Variants in OOEP observed in about 807,000 individuals in gnomAD.
OOEP encodes the protein oocyte-expressed protein homolog.
Under a neutral mutation model 13.7 loss-of-function variants are expected in OOEP, and 16 were observed. The ratio of observed to expected loss-of-function variants is 1.16; its 90% CI spans 0.79 to 1.77. OOEP has a LOEUF of 1.77. OOEP is among the 40% of genes most tolerant of loss of function. The pLI, the probability that OOEP is intolerant of heterozygous loss-of-function variation, is 0.00. For synonymous variants in OOEP, 89 were observed against 77.1 expected, an observed-to-expected ratio of 1.15 and a Z score of -0.81; for missense variants, 195 against 193.1, an observed-to-expected ratio of 1.01 and a Z score of -0.06.
upstream of OOEP, among the ~76,000 whole-genome samples, chr6:73,371,734 G>A (rs1769058425): frequency 6.7e-6 from 1 of 148,202 alleles, no homozygotes; most frequent in South Asian, 2.1e-4. Context: ...TGGACAACAA[G>A]AGCAAAACTC....
At chr6:73,385,346 AAAC>A (rs1375591063) in intron 2 of OOEP, among the ~76,000 whole-genome samples, 28 of 151,862 alleles carry the variant, frequency 1.8e-4, no homozygotes, top group African/African-American at 4.3e-4. Flanking sequence ...ACTCCATCTC[AAAC>A]AACAACAACA....
intron 2 of OOEP, among the ~76,000 whole-genome samples, chr6:73,384,650 T>C (rs1374835572): frequency 3.9e-5 from 6 of 152,120 alleles, no homozygotes; most frequent in Non-Finnish European, 4.4e-5. Context: ...TGAGCCATGA[T>C]TGTGCCACTG....
At chr6:73,395,117 G>A, upstream of OOEP, 2 of 1,614,054 alleles carry the variant, frequency 1.2e-6, no homozygotes, top group Non-Finnish European at 1.7e-6. Flanking sequence ...CTGCCGCTGT[G>A]TTTTGCTTTG....
intron 2 of OOEP, among the ~76,000 whole-genome samples, chr6:73,375,791 C>CT (rs35879934): frequency 1.7e-4 from 18 of 106,654 alleles, no homozygotes; most frequent in African/African-American, 5.8e-4. Flanking sequence ...AATGATCTCC[C>CT]TTTTTTTTTT....
chr6:73,368,647 T>G lies in OOEP; in HGVS notation c.*137A>C. 3.1e-6 allele frequency: 2 copies of G among 637,684 alleles called. No individual in the cohort carries two copies. Among genetic ancestry groups the G allele is most frequent in the Admixed American group, 5.2e-5 (2 of 38,102 alleles). 39.5% of individuals were successfully genotyped at this position (637,684 alleles called of 1,614,324 possible). A position where few individuals can be genotyped will look rare whatever the true frequency, so the allele number is the denominator to read the frequency against. On this transcript the variant is annotated 3_prime_UTR_variant, in exon 3 of 3. Transcript: ENST00000370359. ...TATTAGAATAGTTCAAACTCACTCT[T>G]GCAACAAAATAAACCACAATCCATC...
chr6:73,373,289 C>T, upstream of OOEP: 1 of 1,578,522 alleles, frequency 6.3e-7, no homozygotes, highest in Non-Finnish European at 8.7e-7. Context: ...CAAGAACACA[C>T]CACGATGGCG....
exon 1 of OOEP, chr6:73,394,904 C>T (rs772648661): frequency 4.3e-6 from 7 of 1,613,984 alleles, no homozygotes; most frequent in East Asian, 2.2e-5. Flanking sequence ...CTTCTTGGAA[C>T]AATGTCCCAC....
At chr6:73,376,343 T>G (rs1769137060) in intron 2 of OOEP, among the ~76,000 whole-genome samples, 2 of 85,494 alleles carry the variant, frequency 2.3e-5, no homozygotes, top group East Asian at 3.7e-4. Context: ...GACAAGGGGT[T>G]GTTTTTTTTT....
At chr6:73,387,452 T>TGCAGTGAGCCGAGATA (rs2150783029) in intron 2 of OOEP, among the ~76,000 whole-genome samples, 1 of 152,154 alleles carries the variant, frequency 6.6e-6, no homozygotes, top group South Asian at 2.1e-4. Flanking sequence ...AGGCGGAGGT[T>TGCAGTGAGCCGAGATA]GCAGTGAGCC....
chr6:73,395,072 G>A lies in OOEP; in HGVS notation c.-472C>T, dbSNP rs758121003. The A allele has an allele frequency of 3.7e-6, 6 of 1,614,060 alleles. No individual in the cohort carries two copies. In the African/African-American group the frequency reaches 5.3e-5, roughly 14 times the overall value. Reference sequence around the variant, plus strand: ...GGTGGTCGCTGGAGAGGCACCTCTAGGCCCCCGGAGGCCGTGGCCGCTGGT... The same window carrying A: ...GGTGGTCGCTGGAGAGGCACCTCTAAGCCCCCGGAGGCCGTGGCCGCTGGT... On this transcript the variant is annotated 5_prime_UTR_variant, in exon 1 of 4. Transcript: ENST00000370363.
intron 2 of OOEP, among the ~76,000 whole-genome samples, chr6:73,382,454 G>A (rs899989080): frequency 6.6e-6 from 1 of 151,662 alleles, no homozygotes. Flanking sequence ...CTGACCTCGT[G>A]ATCCACCTGC....
chr6:73,388,521 C>A (rs1444924268), intron 2 of OOEP, among the ~76,000 whole-genome samples: 2 of 152,164 alleles, frequency 1.3e-5, no homozygotes, highest in African/African-American at 4.8e-5. Flanking sequence ...GTAACCGTAG[C>A]TTTTTTCTTG....
intron 2 of OOEP, among the ~76,000 whole-genome samples, chr6:73,393,801 G>A (rs2150784844): frequency 6.6e-6 from 1 of 152,124 alleles, no homozygotes; most frequent in East Asian, 1.9e-4. Flanking sequence ...GGCGACAGAG[G>A]TCAAAAACAA....
chr6:73,388,965 G>A (rs113160750), intron 2 of OOEP, among the ~76,000 whole-genome samples: 12,685 of 152,168 alleles, frequency 0.083, 604 homozygotes, highest in South Asian at 0.14. Flanking sequence ...CCTTCTCCTA[G>A]CTCCGCCAAA....
intron 2 of OOEP, among the ~76,000 whole-genome samples, chr6:73,386,977 GAAAAAAAAAA>G (rs1169476638): frequency 9.7e-5 from 3 of 30,868 alleles, no homozygotes; most frequent in African/African-American, 2.8e-4. Context: ...TTCCATCTCA[GAAAAAAAAAA>G]AAAAAAAAAA....
upstream of OOEP, among the ~76,000 whole-genome samples, chr6:73,374,121 G>A (rs1458203166): frequency 2.0e-5 from 3 of 152,074 alleles, no homozygotes; most frequent in East Asian, 1.9e-4. Flanking sequence ...GCACAAGGTC[G>A]AGGCTGCAGT....
At chr6:73,384,689 A>G (rs1316041369) in intron 2 of OOEP, among the ~76,000 whole-genome samples, 3 of 151,892 alleles carry the variant, frequency 2.0e-5, no homozygotes, top group Non-Finnish European at 4.4e-5. Context: ...CCTGGGCTCA[A>G]GTGATCAGCC....
At chr6:73,372,834 C>T (rs1254759097), upstream of OOEP, among the ~76,000 whole-genome samples, 2 of 151,914 alleles carry the variant, frequency 1.3e-5, no homozygotes, top group South Asian at 2.1e-4. Flanking sequence ...AATGGGAAAG[C>T]GGCCAGAGCA....
At chr6:73,373,498 T>C (rs1387420630), upstream of OOEP, among the ~76,000 whole-genome samples, 1 of 152,156 alleles carries the variant, frequency 6.6e-6, no homozygotes, top group Admixed American at 6.6e-5. Flanking sequence ...GCTCAAGCAG[T>C]CCTCCTGCCT....
Sources: allele counts gnomAD v4.1 joint callset (sites outside exome capture counted in the v4.1 genomes callset), GRCh38; gene constraint gnomAD v4.1.1; transcripts MANE v1.5; gene names NCBI Gene and HGNC (gene_info 2026-07-23, HGNC 2026-07-21).